Variants in PFKFB1 observed in about 807,000 individuals in gnomAD.
PFKFB1 encodes the protein 6-phosphofructo-2-kinase/fructose-2,6-biphosphatase 1.
Under a neutral mutation model 46.4 loss-of-function variants are expected in PFKFB1, and 34 were observed. The ratio of observed to expected loss-of-function variants is 0.73; its 90% CI spans 0.56 to 0.98. The LOEUF (loss-of-function observed/expected upper bound fraction) is 0.98, where lower values mean the gene tolerates loss of function less well. Ranked by LOEUF, PFKFB1 falls within the 50% of genes least tolerant of loss-of-function variation. PFKFB1 has a pLI of 0.00. For synonymous variants in PFKFB1, 119 were observed against 133.8 expected (o/e 0.89, Z 0.76); for missense variants, 393 against 376.3 (o/e 1.04, Z -0.37).
At chrX:54,994,689 A>T (rs1053419286), upstream of PFKFB1, 3 of 754,273 alleles carry the variant, frequency 4.0e-6, no homozygotes, top group Non-Finnish European at 3.1e-6. Context: ...CCAAAATGGC[A>T]TTGCATCCCT....
chrX:54,949,043 C>A, intron 9 of PFKFB1, 32 bp downstream of exon 9: 1 of 1,203,240 alleles, frequency 8.3e-7, no homozygotes, highest in Non-Finnish European at 1.1e-6. Context: ...AAGTCACCCC[C>A]ACACACAGGA....
chrX:54,960,972 AT>A, intron 2 of PFKFB1, 55 bp from the exon 3 acceptor site: 1 of 797,246 alleles, frequency 1.3e-6, no homozygotes, highest in Non-Finnish European at 1.9e-6. Context: ...GGCCAAAAAA[AT>A]GTCCTTGCTG....
chrX:54,983,847 T>C (rs770558063), intron 1 of PFKFB1, among the ~76,000 whole-genome samples: 1 of 111,747 alleles, frequency 8.9e-6, no homozygotes, highest in African/African-American at 3.2e-5. Context: ...TTGACTTTTT[T>C]ATGATAGCCA....
At chrX:54,972,821 C>T (rs964391610) in intron 1 of PFKFB1, among the ~76,000 whole-genome samples, 2 of 110,989 alleles carry the variant, frequency 1.8e-5, no homozygotes, top group African/African-American at 6.6e-5. Context: ...TGTCTCTGCT[C>T]GGCTTTGGTA....
In PFKFB1 at chrX:54,954,063, T is replaced by C. The variant is rs772156692; in HGVS notation, c.639-1951A>G. Reference sequence around the variant, plus strand: ...CTAATGCCTACCCTCATCCAAACTTTTAATTTTATTTAAAAATTTTTTAAA... The same window carrying C: ...CTAATGCCTACCCTCATCCAAACTTCTAATTTTATTTAAAAATTTTTTAAA... On this transcript the variant is annotated intron_variant, in intron 7 of 13. Transcript: ENST00000375006. Among the ~76,000 whole-genome samples the C allele has an allele frequency of 3.6e-5, 4 of 111,660 alleles. No individual in the cohort carries two copies. In the Admixed American group the frequency reaches 3.8e-4, roughly 11 times the overall value.
In PFKFB1 at chrX:54,958,322, A is replaced by G; in HGVS notation, c.500T>C (p.Ile167Thr). The G allele has an allele frequency of 1.7e-6, 2 of 1,188,289 alleles. No homozygotes were observed. Among genetic ancestry groups the G allele is most frequent in the South Asian group, 1.8e-5 (1 of 55,902 alleles). ...GGTCCTTACCCTGATGTTTTCTGCA[A>G]TTATGCCAGGGTCATTACAAATGGA... ...IESICNDPGI[I>T]AENIRQVKLG... is the part of the protein sequence containing the mutation. Residue 167 changes from isoleucine (I) to threonine (T), a missense_variant, in exon 6 of 14, where the codon ATT becomes ACT. By Grantham distance (89) the Ile-to-Thr change is moderately conservative (BLOSUM62 -1). Coordinates refer to ENST00000375006, the MANE Select transcript of PFKFB1 (RefSeq NM_002625.4).
chrX:54,960,367 G>T (rs1934274078), intron 3 of PFKFB1, among the ~76,000 whole-genome samples: 2 of 112,405 alleles, frequency 1.8e-5, no homozygotes, highest in South Asian at 7.3e-4. Flanking sequence ...AAGGCATAAG[G>T]CACAGGCTCT....
chrX:54,959,931 T>A, intron 3 of PFKFB1, 38 bp from the exon 4 acceptor site: 4 of 973,370 alleles, frequency 4.1e-6, no homozygotes, highest in Non-Finnish European at 5.8e-6. Context: ...GCAACCCTTA[T>A]CCCCCAGGAT....
chrX:54,986,364 AAAC>A (rs1195429729), intron 1 of PFKFB1, among the ~76,000 whole-genome samples: 1 of 112,609 alleles, frequency 8.9e-6, no homozygotes, highest in African/African-American at 3.2e-5. Context: ...TACATCATGC[AAAC>A]AACAACCACA....
intron 10 of PFKFB1, among the ~76,000 whole-genome samples, chrX:54,939,764 C>A (rs1933548889): frequency 1.8e-5 from 2 of 111,534 alleles, no homozygotes; most frequent in Admixed American, 1.9e-4. Context: ...GCTTACCAAC[C>A]AAAAATAGTC....
At chrX:54,948,171 C>T (rs1933860709) in intron 9 of PFKFB1, among the ~76,000 whole-genome samples, 1 of 111,309 alleles carries the variant, frequency 9.0e-6, no homozygotes, top group Admixed American at 9.5e-5. Context: ...GATCCTCCCA[C>T]CTAGCCCTCC....
chrX:54,998,491 T>C (rs998192827), upstream of PFKFB1: 13 of 1,034,766 alleles, frequency 1.3e-5, no homozygotes, highest in African/African-American at 2.1e-4. Context: ...GCAGGTCCAG[T>C]GGGTGGCATC....
intron 10 of PFKFB1, among the ~76,000 whole-genome samples, chrX:54,939,432 C>CA (rs1933533050): frequency 9.0e-6 from 1 of 111,319 alleles, no homozygotes; most frequent in Non-Finnish European, 1.9e-5. Flanking sequence ...AAAAACCCTT[C>CA]AAAAAATCAA....
At chrX:54,960,982 TG>T in intron 2 of PFKFB1, 65 bp from the exon 3 acceptor site, 1 of 684,368 alleles carries the variant, frequency 1.5e-6, no homozygotes. Context: ...ATGTCCTTGC[TG>T]GGAGGGACCT....
At chrX:54,936,203 ATGACCT>A (rs1933383867) in intron 11 of PFKFB1, among the ~76,000 whole-genome samples, 1 of 110,870 alleles carries the variant, frequency 9.0e-6, no homozygotes, top group East Asian at 2.9e-4. Flanking sequence ...GCCTCCACTA[ATGACCT>A]TGGCCCGGGC....
rs1276333617 is a variant in PFKFB1, at chrX:54,959,855, T to C, written c.356A>G (p.Tyr119Cys). The change falls in exon 4 of 14, where the codon TAT (tyrosine) becomes TGT (cysteine). Residue 119 changes from tyrosine to cysteine, a missense_variant. Physicochemically the swap from Tyr to Cys is radical, Grantham distance 194 (BLOSUM62 -2). Coordinates refer to ENST00000375006, the MANE Select transcript of PFKFB1 (RefSeq NM_002625.4). Reference sequence around the variant, plus strand: ...AACATGACCTTCCTCATGGCTGAGATAGTTGTGAACATCCTTCAGGGCTGC... The same window carrying C: ...AACATGACCTTCCTCATGGCTGAGACAGTTGTGAACATCCTTCAGGGCTGC... ...ALAALKDVHN[Y>C]LSHEEGHVAV... The C allele has an allele frequency of 8.3e-7, 1 of 1,208,384 alleles. No individual in the cohort carries two copies. The highest frequency in any genetic ancestry group is 1.1e-6 in the Non-Finnish European group (1 of 892,699).
In PFKFB1 at chrX:54,960,958, C is replaced by T. The variant is rs371919121; in HGVS notation, c.224-41G>A. 7 of 907,051 alleles carry T rather than the reference C, an allele frequency of 7.7e-6. No homozygotes were observed. In the East Asian group the frequency reaches 2.0e-4, roughly 26 times the overall value. The allele number at this position is 907,051 out of a possible 1,213,427, so 74.8% of individuals were successfully genotyped here. On this transcript the variant is annotated intron_variant, in intron 2 of 13. Transcript: ENST00000375006. ...GCCAGTGAAGAGGTTGGGAAGATCC[C>T]AGTGGCCAAAAAAATGTCCTTGCTG...
chrX:54,933,776 G>A (rs757228273), intron 13 of PFKFB1, 45 bp downstream of exon 13: 11 of 1,100,345 alleles, frequency 1.0e-5, no homozygotes, highest in South Asian at 7.4e-5. Context: ...CTTTCACCAT[G>A]TGCTGTGTCC....
At chrX:54,959,664 C>T (rs774781766) in intron 4 of PFKFB1, among the ~76,000 whole-genome samples, 163 bp downstream of exon 4, 4 of 111,243 alleles carry the variant, frequency 3.6e-5, no homozygotes, top group African/African-American at 6.5e-5. Flanking sequence ...TGAATTGGGG[C>T]ATAATAACAA....
Sources: allele counts gnomAD v4.1 joint callset (sites outside exome capture counted in the v4.1 genomes callset), GRCh38; gene constraint gnomAD v4.1.1; transcripts MANE v1.5; gene names NCBI Gene and HGNC (gene_info 2026-07-23, HGNC 2026-07-21).